MAP7: variants seen among roughly 807,000 people sequenced by gnomAD.
The protein encoded by MAP7 is ensconsin.
Under a neutral mutation model 94.8 loss-of-function variants are expected in MAP7, and 52 were observed. The observed-to-expected ratio is 0.55, with a 90% CI of 0.44 to 0.69. The LOEUF is 0.69. Ranked by LOEUF, MAP7 falls within the 30% of genes least tolerant of loss-of-function variation. The pLI is 0.00. For missense variants in MAP7, 940 were observed against 964.6 expected (o/e 0.97, Z 0.34); for synonymous variants, 350 against 357.0 (o/e 0.98, Z 0.22).
intron 1 of MAP7, among the ~76,000 whole-genome samples, chr6:136,520,723 T>C (rs1826160885): frequency 6.6e-6 from 1 of 152,230 alleles, no homozygotes; most frequent in African/African-American, 2.4e-5. Context: ...CCATGTGATC[T>C]GATTCTACAG....
At chr6:136,520,515 C>T (rs185370246) in intron 1 of MAP7, among the ~76,000 whole-genome samples, 60 of 152,256 alleles carry the variant, frequency 3.9e-4, no homozygotes, top group African/African-American at 1.4e-3. Flanking sequence ...TGAGTCCTGG[C>T]CCTTACAAAG....
intron 10 of MAP7, among the ~76,000 whole-genome samples, chr6:136,363,857 T>C (rs1474767080): frequency 6.6e-6 from 1 of 152,218 alleles, no homozygotes; most frequent in Non-Finnish European, 1.5e-5. Context: ...GGCAACCATG[T>C]TTAGGAATCA....
chr6:136,391,673 CA>C lies in MAP7; in HGVS notation c.245-2157del, dbSNP rs60810064. 7.7e-3 allele frequency among the ~76,000 whole-genome samples: 1,106 copies of C among 143,942 alleles called. 10 individuals carry two copies. The highest frequency in any genetic ancestry group is 0.02 in the African/African-American group (804 of 39,376). 94.4% of individuals were successfully genotyped at this position (143,942 alleles called of 152,430 possible). A position where few individuals can be genotyped will look rare whatever the true frequency, so the allele number is the denominator to read the frequency against. On this transcript the variant is annotated intron_variant, in intron 3 of 17. Transcript: ENST00000354570. ...AAAATAAAAAATAAAAACTATTATT[CA>C]AAAAAAAAAAAGCATATAGTATACA...
intron 6 of MAP7, among the ~76,000 whole-genome samples, chr6:136,378,546 A>T (rs780808669): frequency 6.6e-6 from 1 of 152,214 alleles, no homozygotes; most frequent in Non-Finnish European, 1.5e-5. Context: ...GCCAAGGACA[A>T]GGCTAAGGCT....
intron 6 of MAP7, 34 bp downstream of exon 6, chr6:136,383,637 A>G: frequency 8.4e-7 from 1 of 1,196,212 alleles, no homozygotes; most frequent in South Asian, 1.4e-5. Context: ...TTAAGTAAAT[A>G]ACAGACACTT....
chr6:136,411,532 C>A, intron 3 of MAP7, 88 bp downstream of exon 3: 1 of 1,095,998 alleles, frequency 9.1e-7, no homozygotes, highest in South Asian at 1.5e-5. Flanking sequence ...CATAGTCCAT[C>A]TGTAAAATTC....
chr6:136,452,145 G>T (rs1473287736), intron 1 of MAP7, among the ~76,000 whole-genome samples: 2 of 152,124 alleles, frequency 1.3e-5, no homozygotes, highest in African/African-American at 4.8e-5. Flanking sequence ...AGTGAGCCGA[G>T]ATCAAGTCAC....
At chr6:136,517,956 A>T (rs1257373702) in intron 1 of MAP7, among the ~76,000 whole-genome samples, 1 of 152,150 alleles carries the variant, frequency 6.6e-6, no homozygotes, top group Non-Finnish European at 1.5e-5. Context: ...AAGCTACATT[A>T]TTTGGGAAGT....
At chr6:136,547,517 G>A (rs2129062941) in intron 1 of MAP7, among the ~76,000 whole-genome samples, 1 of 152,164 alleles carries the variant, frequency 6.6e-6, no homozygotes, top group East Asian at 1.9e-4. Context: ...ACTCAAAAAA[G>A]GCTGAAAAAG....
intron 1 of MAP7, among the ~76,000 whole-genome samples, chr6:136,538,185 G>A (rs1829034679): frequency 6.6e-6 from 1 of 152,152 alleles, no homozygotes; most frequent in Non-Finnish European, 1.5e-5. Context: ...CCACACCCAG[G>A]ATACACCTTG....
intron 1 of MAP7, among the ~76,000 whole-genome samples, chr6:136,540,812 T>C (rs1829248000): frequency 6.6e-6 from 1 of 152,208 alleles, no homozygotes. Flanking sequence ...ACTCCCATCC[T>C]GCAAGATTCT....
chr6:136,525,898 G>A (rs1156713868), intron 1 of MAP7: 1 of 1,535,430 alleles, frequency 6.5e-7, no homozygotes, highest in Non-Finnish European at 8.7e-7. Context: ...AATAAACCAA[G>A]AGGAATTGGC....
chr6:136,368,352 A>G (rs1434672870), intron 8 of MAP7, among the ~76,000 whole-genome samples: 2 of 152,194 alleles, frequency 1.3e-5, no homozygotes, highest in African/African-American at 4.8e-5. Context: ...TCCTATTAAT[A>G]GTTTCCACAA....
Position 136,347,302 on chromosome 6 carries a change from G to A in MAP7, c.2016-1223C>T, listed in dbSNP as rs553683098. 9.6e-4 allele frequency among the ~76,000 whole-genome samples: 146 copies of A among 152,266 alleles called. 1 individual carries two copies. Among genetic ancestry groups the A allele is most frequent in the African/African-American group, 3.3e-3 (139 of 41,566 alleles). ...CCAACTGCTTGAACATTGTTAGCAA[G>A]TCAGTTTGTCTTCTCAAATTGTAAA... On this transcript the variant is annotated intron_variant, in intron 16 of 17. Transcript: ENST00000354570.
intron 15 of MAP7, among the ~76,000 whole-genome samples, chr6:136,359,236 T>G (rs1791838047): frequency 6.6e-6 from 1 of 152,132 alleles, no homozygotes; most frequent in Non-Finnish European, 1.5e-5. Context: ...CACTGTACAT[T>G]ATATGTATGG....
intron 1 of MAP7, among the ~76,000 whole-genome samples, chr6:136,462,213 G>A (rs929688109): frequency 6.7e-6 from 1 of 150,054 alleles, no homozygotes; most frequent in Admixed American, 6.6e-5. Context: ...TTGCACTTCA[G>A]TACAAAAATT....
intron 1 of MAP7, chr6:136,525,706 G>T: frequency 6.1e-6 from 6 of 983,468 alleles, no homozygotes; most frequent in Non-Finnish European, 7.2e-6. Context: ...CCAGCAAACC[G>T]TGCTAGGAGG....
intron 3 of MAP7, among the ~76,000 whole-genome samples, chr6:136,405,789 T>C (rs892847498): frequency 6.6e-6 from 1 of 152,196 alleles, no homozygotes; most frequent in Non-Finnish European, 1.5e-5. Flanking sequence ...CAGTGGTGGT[T>C]GTGAGAAGTA....
intron 1 of MAP7, among the ~76,000 whole-genome samples, chr6:136,468,318 T>G (rs557150751): frequency 2.8e-4 from 43 of 152,282 alleles, no homozygotes; most frequent in African/African-American, 9.6e-4. Context: ...TTTTAAGGGC[T>G]TTTACACATA....
Sources: gnomAD v4.1 joint callset for allele counts (sites outside exome capture counted in the v4.1 genomes callset) on GRCh38, gnomAD v4.1.1 for gene constraint, MANE v1.5 for transcripts, NCBI Gene and HGNC (gene_info 2026-07-23, HGNC 2026-07-21) for gene names.